The following PARD6G variants were observed in gnomAD, a reference collection of about 807,000 sequenced individuals.
PARD6G encodes par-6 family cell polarity regulator gamma.
Under a neutral mutation model 10.7 loss-of-function variants are expected in PARD6G, and 7 were observed. That is an observed-to-expected ratio of 0.66 (90% confidence interval 0.37 to 1.23). PARD6G has a LOEUF of 1.23. Among genes scored for constraint, PARD6G ranks in the 50% most tolerant of loss-of-function variants. PARD6G has a pLI of 0.02. For missense variants in PARD6G, 548 were observed against 571.8 expected, an observed-to-expected ratio of 0.96 and a Z score of 0.42; for synonymous variants, 287 against 269.4, an observed-to-expected ratio of 1.07 and a Z score of -0.64.
rs1399804734 is a variant in PARD6G, at chr18:80,200,203, G to C, written c.295+2507C>G. On this transcript the variant is annotated intron_variant, in intron 2 of 2. Transcript: ENST00000353265. The surrounding 1 kb of genome is among the most constrained non-coding windows in gnomAD (Gnocchi z 4.4). ...TGTGGGATTGAGTGTTGCCTCTCAG[G>C]GGCCTCAGCTCTGCCCCAAACGCAA... 2.0e-5 allele frequency among the ~76,000 whole-genome samples: 3 copies of C among 152,136 alleles called. No individual in the cohort carries two copies. The highest frequency in any genetic ancestry group is 6.5e-5 in the Admixed American group (1 of 15,280).
Position 80,188,071 on chromosome 18 carries a change from G to A in PARD6G, c.295+14639C>T, listed in dbSNP as rs1029095144. 2.0e-5 allele frequency: 3 copies of A among 152,084 alleles called. No homozygotes were observed. The highest frequency in any genetic ancestry group is 2.9e-5 in the Non-Finnish European group (2 of 68,014). The allele number at this position is 152,084 out of a possible 1,614,324, so 9.4% of individuals were successfully genotyped here. A position where few individuals can be genotyped will look rare whatever the true frequency, so the allele number is the denominator to read the frequency against. On this transcript the variant is annotated intron_variant, in intron 2 of 2. Coordinates refer to ENST00000353265, the MANE Select transcript of PARD6G (RefSeq NM_032510.4). The surrounding 1 kb of genome is among the most constrained non-coding windows in gnomAD (Gnocchi z 5.4). ...TAAGTGGTGCGCGACCGTGCCCAACGGGAGGTGTTACGTGGCGCGCGACCG... is the reference window on the plus strand; with the variant it reads ...TAAGTGGTGCGCGACCGTGCCCAACAGGAGGTGTTACGTGGCGCGCGACCG...
chr18:80,242,549 T>A (rs1967501685), intron 1 of PARD6G, among the ~76,000 whole-genome samples: 1 of 152,194 alleles, frequency 6.6e-6, no homozygotes, highest in Admixed American at 6.5e-5. Flanking sequence ...AGCCAGTGCA[T>A]CAGCCAGCCC....
chr18:80,165,543 G>T lies in PARD6G; in HGVS notation c.296-4937C>A, dbSNP rs891288672. On this transcript the variant is annotated intron_variant, in intron 2 of 2. Transcript: ENST00000353265. ...GTGACGTATATCCTCAGCTTACGAA[G>T]ATAACAGGATTAAGAGATTAAAGAC... Among the ~76,000 whole-genome samples, 5 of 119,528 alleles carry T rather than the reference G, an allele frequency of 4.2e-5. No individual in the cohort carries two copies. In the Admixed American group the frequency reaches 4.7e-4, roughly 11 times the overall value. The allele number at this position is 119,528 out of a possible 152,430, so 78.4% of individuals were successfully genotyped here.
In PARD6G at chr18:80,207,990, GTC is replaced by G. The variant is rs530083616; in HGVS notation, c.73-5060_73-5059del. Reference sequence around the variant, plus strand: ...AGTCAGAAAAGTGGCAAAAATAAGAGTCTGTTTATCCTATTTTAAAATGCATG... The same window carrying G: ...AGTCAGAAAAGTGGCAAAAATAAGAGTGTTTATCCTATTTTAAAATGCATG... On this transcript the variant is annotated intron_variant, in intron 1 of 2. Transcript: ENST00000353265. Among the ~76,000 whole-genome samples the G allele has an allele frequency of 3.3e-5, 5 of 152,070 alleles. No homozygotes were observed. The South Asian group carries it at 8.3e-4, about 25-fold the overall frequency.
intron 2 of PARD6G, among the ~76,000 whole-genome samples, chr18:80,177,174 C>CATACAT (rs1438014940): frequency 2.1e-5 from 3 of 140,388 alleles, no homozygotes; most frequent in African/African-American, 8.1e-5. Flanking sequence ...GGGAAACACA[C>CATACAT]ATACACACAC....
At chr18:80,236,680 A>G (rs1967426919) in intron 1 of PARD6G, among the ~76,000 whole-genome samples, 1 of 152,240 alleles carries the variant, frequency 6.6e-6, no homozygotes, top group Non-Finnish European at 1.5e-5. Flanking sequence ...CGATGTGCAG[A>G]AATCACAAGC....
At chr18:80,238,013 T>C (rs752244118) in intron 1 of PARD6G, among the ~76,000 whole-genome samples, 3,725 of 151,956 alleles carry the variant, frequency 0.025, 153 homozygotes, top group African/African-American at 0.086. Flanking sequence ...ACCCAAAGGA[T>C]TATAAATCAT....
intron 2 of PARD6G, among the ~76,000 whole-genome samples, chr18:80,179,081 C>T (rs1454630803): frequency 2.6e-5 from 4 of 152,142 alleles, no homozygotes; most frequent in Admixed American, 6.5e-5. Context: ...TGTCACAAAG[C>T]GCCAGTGGGA....
At position 80,246,912 on chromosome 18, in the gene PARD6G, C is replaced by T. The variant is rs1599882560; in HGVS notation, c.72+365G>A. 6.6e-6 allele frequency among the ~76,000 whole-genome samples: 1 copy of T among 152,144 alleles called. No individual in the cohort carries two copies. Among genetic ancestry groups the T allele is most frequent in the South Asian group, 2.1e-4 (1 of 4,834 alleles). ...CCCCCACGGCCCCGAATCCGAGCAG[C>T]CCCTGGCCCTCAACTCGCCCCGGAA... On this transcript the variant is annotated intron_variant, in intron 1 of 2. Transcript: ENST00000353265. The surrounding 1 kb of genome is among the most constrained non-coding windows in gnomAD (Gnocchi z 6.7).
intron 2 of PARD6G, chr18:80,169,145 A>G (rs1879105): frequency 0.85 from 143,217 of 168,984 alleles, 60,837 homozygotes; most frequent in Non-Finnish European, 0.87. Flanking sequence ...GAGAGCTTGC[A>G]CCGGGGTGGA....
At chr18:80,160,839 A>G (rs1048893442) in intron 2 of PARD6G, among the ~76,000 whole-genome samples, 2 of 152,168 alleles carry the variant, frequency 1.3e-5, no homozygotes, top group African/African-American at 4.8e-5. Flanking sequence ...CAAAGAACTC[A>G]GAGATTAAAA....
chr18:80,242,400 A>C (rs1967499985), intron 1 of PARD6G, among the ~76,000 whole-genome samples: 2 of 152,258 alleles, frequency 1.3e-5, no homozygotes, highest in Admixed American at 1.3e-4. Context: ...CGGCTGTCGC[A>C]CATCACACAG....
intron 1 of PARD6G, among the ~76,000 whole-genome samples, chr18:80,215,821 C>T (rs1967159254): frequency 6.6e-6 from 1 of 151,936 alleles, no homozygotes; most frequent in Admixed American, 6.6e-5. Flanking sequence ...CAGAGATTGG[C>T]AAAATGGATT....
At chr18:80,163,963 T>C (rs796678030) in intron 2 of PARD6G, among the ~76,000 whole-genome samples, 71 of 152,316 alleles carry the variant, frequency 4.7e-4, no homozygotes, top group African/African-American at 1.6e-3. Flanking sequence ...GGTTTTCTTT[T>C]AGCCTTGTCA....
chr18:80,171,662 A>G (rs1038785071), intron 2 of PARD6G: 1 of 152,158 alleles, frequency 6.6e-6, no homozygotes, highest in Non-Finnish European at 1.5e-5. Context: ...CCCCACACCC[A>G]TTAATCTACT....
At chr18:80,233,673 C>T (rs1358989479) in intron 1 of PARD6G, among the ~76,000 whole-genome samples, 2 of 152,120 alleles carry the variant, frequency 1.3e-5, no homozygotes, top group African/African-American at 4.8e-5. Context: ...GTAACAGCCC[C>T]AAACTCCTTT....
At position 80,160,591 on chromosome 18, in the gene PARD6G, C is replaced by T. The variant is rs767434658; in HGVS notation, c.311G>A (p.Gly104Asp). 62 of 1,448,536 alleles carry T rather than the reference C, an allele frequency of 4.3e-5. No homozygotes were observed. The highest frequency in any genetic ancestry group is 5.3e-5 in the Non-Finnish European group (59 of 1,105,166). The allele number at this position is 1,448,536 out of a possible 1,614,324, so 89.7% of individuals were successfully genotyped here. Residue 104 changes from glycine (G) to aspartate (D), a missense_variant, in exon 3 of 3, where the codon GGC becomes GAC. Physicochemically the swap from Gly to Asp is moderately conservative, Grantham distance 94 (BLOSUM62 -1). Coordinates refer to ENST00000353265, the MANE Select transcript of PARD6G (RefSeq NM_032510.4). The part of the protein sequence containing the change: ...FIQKREEAER[G>D]SLGAGSLCRR... ...GCACAGCGAGCCCGCGCCGAGGCTG[C>T]CACGCTCGGCCTCCTCTGCGGGAGA... is the stretch of plus-strand genomic sequence containing the variant.
intron 1 of PARD6G, among the ~76,000 whole-genome samples, chr18:80,207,490 T>C (rs1207832729): frequency 6.6e-6 from 1 of 152,250 alleles, no homozygotes; most frequent in Non-Finnish European, 1.5e-5. Flanking sequence ...AGATGTTTAC[T>C]TGGATGGCTA....
At chr18:80,214,536 C>T (rs1299832786) in intron 1 of PARD6G, among the ~76,000 whole-genome samples, 1 of 151,966 alleles carries the variant, frequency 6.6e-6, no homozygotes, top group East Asian at 1.9e-4. Context: ...AAAGTAGACC[C>T]AAGTAGAAAT....
Sources: gnomAD v4.1 joint callset for allele counts (sites outside exome capture counted in the v4.1 genomes callset) on GRCh38, gnomAD v4.1.1 for gene constraint, Gnocchi (gnomAD v3.1) non-coding constraint, MANE v1.5 for transcripts, NCBI Gene and HGNC (gene_info 2026-07-23, HGNC 2026-07-21) for gene names.